NRXN1: variants seen among roughly 807,000 people sequenced by gnomAD.
NRXN1 encodes the protein neurexin-1.
NRXN1 carries 39 observed loss-of-function variants against 150.9 expected under a neutral mutation model. The ratio of observed to expected loss-of-function variants is 0.26; its 90% CI spans 0.20 to 0.34. The LOEUF is 0.34. Among genes scored for constraint, NRXN1 ranks in the 10% least tolerant of loss-of-function variants. The probability of loss-of-function intolerance (pLI) is 1.00; values close to 1 mark genes in which losing one functional copy is unlikely to be tolerated. For synonymous variants in NRXN1, 924 were observed against 757.0 expected (o/e 1.22, Z -3.62); for missense variants, 1,815 against 1,949.9 (o/e 0.93, Z 1.30).
At chr2:50,540,768 T>A (rs2093371017) in intron 9 of NRXN1, among the ~76,000 whole-genome samples, 1 of 152,010 alleles carries the variant, frequency 6.6e-6, no homozygotes, top group Non-Finnish European at 1.5e-5. Context: ...TTTAAGCAAC[T>A]CTCATGCCGC....
At chr2:50,791,314 CAAA>C (rs60728323) in intron 5 of NRXN1, among the ~76,000 whole-genome samples, 6 of 111,688 alleles carry the variant, frequency 5.4e-5, no homozygotes, top group African/African-American at 1.4e-4. Flanking sequence ...CTGCTTGCTA[CAAA>C]AAAAAAAAAA....
intron 5 of NRXN1, among the ~76,000 whole-genome samples, chr2:50,904,674 A>C (rs1391520495): frequency 6.6e-6 from 1 of 152,172 alleles, no homozygotes; most frequent in Non-Finnish European, 1.5e-5. Flanking sequence ...CTTTCTTTTT[A>C]AAAAGATTAC....
intron 5 of NRXN1, among the ~76,000 whole-genome samples, chr2:50,720,115 G>A (rs1696438801): frequency 6.6e-6 from 1 of 152,082 alleles, no homozygotes; most frequent in African/African-American, 2.4e-5. Context: ...CTGTAGATCT[G>A]TCCAGCAAGT....
intron 7 of NRXN1, among the ~76,000 whole-genome samples, chr2:50,620,725 C>T (rs959703789): frequency 2.0e-5 from 3 of 152,150 alleles, no homozygotes; most frequent in South Asian, 2.1e-4. Context: ...AAGCGGCACA[C>T]GCTGATGTGC....
intron 17 of NRXN1, among the ~76,000 whole-genome samples, chr2:50,430,520 T>G (rs1326303632): frequency 1.3e-5 from 2 of 152,216 alleles, no homozygotes; most frequent in Non-Finnish European, 2.9e-5. Context: ...TAAATTTAAA[T>G]AGTCACATGA....
At chr2:50,447,737 T>TAATATATATATATA (rs2086562012) in intron 17 of NRXN1, among the ~76,000 whole-genome samples, 7 of 37,932 alleles carry the variant, frequency 1.8e-4, no homozygotes, top group South Asian at 1.2e-3. Flanking sequence ...CAGGGGAACG[T>TAATATATATATATA]TATATATATA....
intron 15 of NRXN1, among the ~76,000 whole-genome samples, chr2:50,487,591 G>T (rs2090967013): frequency 2.0e-5 from 3 of 152,172 alleles, no homozygotes; most frequent in Admixed American, 2.0e-4. Flanking sequence ...CAGCAACTTT[G>T]TTTTAAGCCC....
chr2:50,696,395 T>G (rs1692870685), intron 5 of NRXN1: 1 of 152,594 alleles, frequency 6.6e-6, no homozygotes, highest in Admixed American at 6.5e-5. Flanking sequence ...CAGAAGTAAG[T>G]AATATTCTGA....
At chr2:50,432,413 T>C (rs527703649) in intron 17 of NRXN1, 1 of 152,360 alleles carries the variant, frequency 6.6e-6, no homozygotes, top group Admixed American at 6.5e-5. Flanking sequence ...GCAAGGATCT[T>C]GTAAAATGCT....
At chr2:50,314,289 T>G (rs1226205864) in intron 17 of NRXN1, among the ~76,000 whole-genome samples, 1 of 152,060 alleles carries the variant, frequency 6.6e-6, no homozygotes, top group East Asian at 1.9e-4. Context: ...GGACTCTGTA[T>G]GATTTCTTTC....
intron 5 of NRXN1, among the ~76,000 whole-genome samples, chr2:50,788,623 A>G (rs565259152): frequency 1.2e-3 from 180 of 151,704 alleles, no homozygotes; most frequent in African/African-American, 4.2e-3. Context: ...GAGAGAGAGA[A>G]AGAGAGAGAC....
intron 18 of NRXN1, among the ~76,000 whole-genome samples, chr2:50,176,831 G>T (rs889716141): frequency 6.6e-6 from 1 of 151,998 alleles, no homozygotes; most frequent in African/African-American, 2.4e-5. Flanking sequence ...TAACATTAAG[G>T]CTCTGTTTCC....
chr2:50,673,849 T>C (rs1377759517), intron 5 of NRXN1, among the ~76,000 whole-genome samples: 1 of 152,004 alleles, frequency 6.6e-6, no homozygotes, highest in Non-Finnish European at 1.5e-5. Flanking sequence ...CACCATGGAA[T>C]ACTATGCAGC....
intron 21 of NRXN1, among the ~76,000 whole-genome samples, chr2:50,040,517 C>G (rs1431209303): frequency 1.3e-5 from 2 of 151,826 alleles, no homozygotes; most frequent in Non-Finnish European, 2.9e-5. Context: ...GGAACATAAG[C>G]ATATTATTTG....
chr2:50,610,017 T>A lies in NRXN1; in HGVS notation c.1320+10005A>T, dbSNP rs186224467. On this transcript the variant is annotated intron_variant, in intron 8 of 22. Transcript: ENST00000401669. ...TTTTCATTTAAAAGCAATTAATTTG[T>A]TTTAAATGTGTTTCAAGAGTGATGA... 3.1e-4 allele frequency among the ~76,000 whole-genome samples: 47 copies of A among 152,262 alleles called. 1 individual carries two copies. The highest frequency in any genetic ancestry group is 1.1e-3 in the African/African-American group (47 of 41,566).
chr2:50,939,459 A>G (rs552087168), intron 2 of NRXN1, among the ~76,000 whole-genome samples: 5 of 152,080 alleles, frequency 3.3e-5, no homozygotes, highest in Admixed American at 3.3e-4. Context: ...TTTATTATTT[A>G]TAATAAAATA....
At chr2:50,475,731 T>C (rs575926984) in intron 15 of NRXN1, among the ~76,000 whole-genome samples, 1 of 152,190 alleles carries the variant, frequency 6.6e-6, no homozygotes, top group Non-Finnish European at 1.5e-5. Context: ...AACTCTTTGA[T>C]ATAGCAAATA....
At chr2:50,154,934 A>C (rs1361986538) in intron 18 of NRXN1, among the ~76,000 whole-genome samples, 1 of 151,702 alleles carries the variant, frequency 6.6e-6, no homozygotes, top group Admixed American at 6.6e-5. Flanking sequence ...CTGTTGCCCA[A>C]TAGATTATAT....
Position 51,027,846 on chromosome 2 carries a change from T to C in NRXN1, c.428A>G (p.Lys143Arg). ...VEAKWVEVKS[K>R]RRDMTVFSGL... ...GCTGAACACCGTCATGTCCCTGCGC[T>C]TGGACTTGACCTCCACCCACTTGGC... Residue 143 changes from lysine (K) to arginine (R), a missense_variant, in exon 2 of 23, where the codon AAG becomes AGG. Around this residue, in one of 6 missense-constraint regions of NRXN1, gnomAD observed 554 missense variants for 478.8 expected, o/e 1.16. Transcript: ENST00000401669. 6.2e-7 allele frequency: 1 copy of C among 1,613,284 alleles called. No homozygotes were observed. Among genetic ancestry groups the C allele is most frequent in the Non-Finnish European group, 8.5e-7 (1 of 1,179,704 alleles).
Sources: allele counts gnomAD v4.1 joint callset (sites outside exome capture counted in the v4.1 genomes callset), GRCh38; gene constraint gnomAD v4.1.1; regional missense constraint gnomAD v4.1.1; transcripts MANE v1.5; gene names NCBI Gene and HGNC (gene_info 2026-07-23, HGNC 2026-07-21).